Variants in LRP1B observed in about 807,000 individuals in gnomAD.
LRP1B encodes the protein LDL receptor related protein 1B, also known as low-density lipoprotein receptor-related protein 1B.
In LRP1B, 217 loss-of-function variants were observed where a neutral mutation model predicts 556.6. The ratio of observed to expected loss-of-function variants is 0.39; its 90% CI spans 0.35 to 0.44. The LOEUF is 0.44. LRP1B is among the 20% of genes least tolerant of loss of function. The pLI is 1.00. For synonymous variants in LRP1B, 2,047 were observed against 1,865.8 expected, an observed-to-expected ratio of 1.10 and a Z score of -2.50; for missense variants, 5,053 against 5,620.8, an observed-to-expected ratio of 0.90 and a Z score of 3.23.
At chr2:141,985,007 A>G (rs1453788568) in intron 1 of LRP1B, among the ~76,000 whole-genome samples, 1 of 152,184 alleles carries the variant, frequency 6.6e-6, no homozygotes, top group Non-Finnish European at 1.5e-5. Flanking sequence ...ATTTACTATT[A>G]ACAAATTACC....
At chr2:141,284,767 A>G (rs571606763) in intron 3 of LRP1B, among the ~76,000 whole-genome samples, 2 of 152,334 alleles carry the variant, frequency 1.3e-5, no homozygotes, top group South Asian at 2.1e-4. Flanking sequence ...TCAAAAATCA[A>G]AATGATTGAT....
intron 1 of LRP1B, among the ~76,000 whole-genome samples, chr2:141,813,765 A>G (rs1574390494): frequency 6.6e-6 from 1 of 152,238 alleles, no homozygotes; most frequent in African/African-American, 2.4e-5. Flanking sequence ...TGCTTCTGCC[A>G]TTCAGAGAGT....
chr2:141,919,571 A>T (rs1163358974), intron 1 of LRP1B, among the ~76,000 whole-genome samples: 2 of 152,082 alleles, frequency 1.3e-5, no homozygotes, highest in African/African-American at 4.8e-5. Flanking sequence ...TTTATTTTAT[A>T]AAAATTTAAC....
At chr2:141,402,927 C>T (rs1018220108) in intron 3 of LRP1B, among the ~76,000 whole-genome samples, 2 of 151,990 alleles carry the variant, frequency 1.3e-5, no homozygotes, top group African/African-American at 4.8e-5. Flanking sequence ...TATATCCAAC[C>T]ATTTCTTCCC....
chr2:141,869,198 A>G (rs1372627915), intron 1 of LRP1B, among the ~76,000 whole-genome samples: 1 of 152,132 alleles, frequency 6.6e-6, no homozygotes, highest in Non-Finnish European at 1.5e-5. Context: ...GTAGCTGCTG[A>G]CAGTAGCCAC....
At chr2:141,425,354 A>G (rs1207854981) in intron 3 of LRP1B, among the ~76,000 whole-genome samples, 5 of 146,924 alleles carry the variant, frequency 3.4e-5, no homozygotes, top group Non-Finnish European at 6.0e-5. Context: ...AGTCTTTGCT[A>G]TTGTGAATAG....
chr2:141,715,953 A>G (rs1279139108), intron 2 of LRP1B, among the ~76,000 whole-genome samples: 1 of 152,206 alleles, frequency 6.6e-6, no homozygotes, highest in African/African-American at 2.4e-5. Flanking sequence ...GTATGGGAAT[A>G]TAGGGCTAAC....
At chr2:142,076,595 A>G (rs1020430578) in intron 1 of LRP1B, among the ~76,000 whole-genome samples, 6 of 152,124 alleles carry the variant, frequency 3.9e-5, no homozygotes, top group Non-Finnish European at 8.8e-5. Flanking sequence ...AGAGGATAAG[A>G]AGGAGTCCTG....
chr2:140,804,496 G>A (rs953736271), intron 32 of LRP1B, among the ~76,000 whole-genome samples: 12 of 151,894 alleles, frequency 7.9e-5, no homozygotes, highest in Admixed American at 2.6e-4. Context: ...TAAAAAGTGT[G>A]CAAGTTGAGC....
intron 1 of LRP1B, among the ~76,000 whole-genome samples, chr2:141,929,383 A>T (rs1159284633): frequency 7.9e-5 from 12 of 152,230 alleles, no homozygotes; most frequent in Non-Finnish European, 1.3e-4. Flanking sequence ...TATAGCTACG[A>T]ATCATCAATT....
At chr2:141,705,691 T>C (rs1692110776) in intron 2 of LRP1B, among the ~76,000 whole-genome samples, 1 of 152,028 alleles carries the variant, frequency 6.6e-6, no homozygotes, top group African/African-American at 2.4e-5. Context: ...TTATTTTCAT[T>C]TCACAGATGA....
intron 63 of LRP1B, among the ~76,000 whole-genome samples, chr2:140,449,610 A>G (rs1393296783): frequency 1.3e-5 from 2 of 152,178 alleles, no homozygotes; most frequent in African/African-American, 4.8e-5. Context: ...CATATGCACT[A>G]TGTGAAACAA....
chr2:141,172,042 C>G (rs1680522005), intron 7 of LRP1B, among the ~76,000 whole-genome samples: 1 of 152,112 alleles, frequency 6.6e-6, no homozygotes, highest in African/African-American at 2.4e-5. Flanking sequence ...ATTGACTCTA[C>G]TACTCCAAAC....
At chr2:140,731,861 A>T (rs1687792294) in intron 35 of LRP1B, among the ~76,000 whole-genome samples, 1 of 151,714 alleles carries the variant, frequency 6.6e-6, no homozygotes, top group Admixed American at 6.6e-5. Flanking sequence ...ATCATGTGGC[A>T]GGCTATCATT....
At chr2:141,185,687 C>CAAAAAAAAAAAA (rs111914547) in intron 7 of LRP1B, among the ~76,000 whole-genome samples, 1 of 132,176 alleles carries the variant, frequency 7.6e-6, no homozygotes, top group African/African-American at 3.0e-5. Flanking sequence ...AACAAACAAA[C>CAAAAAAAAAAAA]AAAAAAAAAC....
intron 18 of LRP1B, among the ~76,000 whole-genome samples, chr2:140,966,742 G>A (rs967889316): frequency 1.2e-4 from 19 of 152,118 alleles, no homozygotes; most frequent in Non-Finnish European, 1.8e-4. Context: ...AAGGGATCCC[G>A]TTTCAGCTTT....
intron 1 of LRP1B, among the ~76,000 whole-genome samples, chr2:141,821,589 G>A (rs1230239049): frequency 1.3e-5 from 2 of 152,056 alleles, no homozygotes; most frequent in East Asian, 1.9e-4. Flanking sequence ...GTATGAATTG[G>A]GAAGTATATA....
intron 2 of LRP1B, among the ~76,000 whole-genome samples, chr2:141,785,348 T>G (rs1207630993): frequency 6.6e-6 from 1 of 151,926 alleles, no homozygotes; most frequent in East Asian, 1.9e-4. Flanking sequence ...TTGCAGCACT[T>G]AGTAATTGCA....
chr2:142,114,985 A>G (rs1395271495), intron 1 of LRP1B, among the ~76,000 whole-genome samples: 1 of 152,176 alleles, frequency 6.6e-6, no homozygotes, highest in Non-Finnish European at 1.5e-5. Context: ...GTATATTTGT[A>G]TCAAAATATG....
Sources: gnomAD v4.1 joint callset for allele counts (sites outside exome capture counted in the v4.1 genomes callset) on GRCh38, gnomAD v4.1.1 for gene constraint, MANE v1.5 for transcripts, NCBI Gene and HGNC (gene_info 2026-07-23, HGNC 2026-07-21) for gene names.